SV2B: variants seen among roughly 807,000 people sequenced by gnomAD.
SV2B encodes solute carrier family 22 member B2.
In SV2B, 41 loss-of-function variants were observed where a neutral mutation model predicts 73.9. That is an observed-to-expected ratio of 0.56 (90% CI 0.43 to 0.72). The LOEUF is 0.72. Ranked by LOEUF, SV2B falls within the 30% of genes least tolerant of loss-of-function variation. SV2B has a pLI of 0.00. For synonymous variants in SV2B, 314 were observed against 314.2 expected, an observed-to-expected ratio of 1.00 and a Z score of 0.01; for missense variants, 764 against 857.8, an observed-to-expected ratio of 0.89 and a Z score of 1.37.
At position 91,226,531 on chromosome 15, in the gene SV2B, C is replaced by G. The variant is rs200378766; in HGVS notation, c.268C>G (p.Gln90Glu). ...LMAERLEDEE[Q>E]LAHQYETIMD... is the part of the protein sequence containing the mutation. ...GGCTGAGAGGCTGGAAGATGAGGAG[C>G]AGTTGGCCCACCAGTACGAGACCAT... The change falls in exon 2 of 13, where the codon CAG (glutamine) becomes GAG (glutamate). Residue 90 changes from glutamine (Q) to glutamate (E), a missense_variant. Transcript: ENST00000394232. The G allele has an allele frequency of 3.1e-6, 5 of 1,614,188 alleles. No homozygotes were observed. The Admixed American group carries it at 8.3e-5, about 27-fold the overall frequency.
intron 2 of SV2B, among the ~76,000 whole-genome samples, chr15:91,246,744 C>CCTCCTT (rs928160029): frequency 1.4e-5 from 2 of 146,786 alleles, no homozygotes; most frequent in African/African-American, 2.7e-5. Context: ...TCCTCCTCCT[C>CCTCCTT]CTCCTTCTTC....
Position 91,232,251 on chromosome 15 carries a change from C to T in SV2B, c.451+5537C>T, listed in dbSNP as rs9673021. ...CACCACTGGGAATGTCCATGTATTT[C>T]TTTCTGTGTTTGATTTATATCAGTT... On this transcript the variant is annotated intron_variant, in intron 2 of 12. Coordinates refer to ENST00000394232, the MANE Select transcript of SV2B (RefSeq NM_001323032.3). This position sits in a 1 kb window ranked among gnomAD's most constrained non-coding sequence, Gnocchi z 4.7. Among the ~76,000 whole-genome samples the T allele has an allele frequency of 0.2, 30,196 of 152,128 alleles. 6,769 individuals carry two copies. The highest frequency in any genetic ancestry group is 0.56 in the African/African-American group (23,112 of 41,476).
At chr15:91,170,654 A>C (rs753183444) in intron 1 of SV2B, among the ~76,000 whole-genome samples, 2 of 152,252 alleles carry the variant, frequency 1.3e-5, no homozygotes, top group Non-Finnish European at 2.9e-5. Flanking sequence ...CATTAAAAAT[A>C]TCTGACTGTC....
At position 91,100,986 on chromosome 15, in the gene SV2B, G is replaced by T. The variant is rs1055159371; in HGVS notation, c.-392+623G>T. Among the ~76,000 whole-genome samples the T allele has an allele frequency of 6.6e-6, 1 of 152,232 alleles. No homozygotes were observed. Among genetic ancestry groups the T allele is most frequent in the Non-Finnish European group, 1.5e-5 (1 of 68,028 alleles). On this transcript the variant is annotated intron_variant, in intron 1 of 12. Transcript: ENST00000394232. This position sits in a 1 kb window ranked among gnomAD's most constrained non-coding sequence, Gnocchi z 6.4. Reference sequence around the variant, plus strand: ...TTTAGCCAGGGAGGAGCAAGGCACCGCTGTGTCTTCGGCAGACGGGTGGTA... The same window carrying T: ...TTTAGCCAGGGAGGAGCAAGGCACCTCTGTGTCTTCGGCAGACGGGTGGTA...
chr15:91,182,286 A>G (rs1194072307), intron 1 of SV2B, among the ~76,000 whole-genome samples: 2 of 152,200 alleles, frequency 1.3e-5, no homozygotes, highest in Non-Finnish European at 2.9e-5. Flanking sequence ...AACTGTCATT[A>G]TGGTTGAACA....
intron 10 of SV2B, among the ~76,000 whole-genome samples, chr15:91,282,097 C>A (rs544884067): frequency 2.6e-5 from 4 of 152,330 alleles, no homozygotes; most frequent in African/African-American, 9.6e-5. Flanking sequence ...GAAATGGAAA[C>A]AAAAGTTGTA....
chr15:91,287,464 A>G (rs2048897898), intron 11 of SV2B, among the ~76,000 whole-genome samples: 1 of 151,982 alleles, frequency 6.6e-6, no homozygotes, highest in African/African-American at 2.4e-5. Flanking sequence ...CTAGTCTGCA[A>G]CCTGTTTTGC....
chr15:91,266,513 A>T (rs2048105315), intron 6 of SV2B, 69 bp from the exon 7 acceptor site: 1 of 1,220,372 alleles, frequency 8.2e-7, no homozygotes, highest in Non-Finnish European at 1.2e-6. Flanking sequence ...TAGTTACATT[A>T]AACTACACAT....
rs1423649670 is a variant in SV2B at position 91,130,938 on chromosome 15, T to C, written c.-392+30575T>C. 6.6e-6 allele frequency among the ~76,000 whole-genome samples: 1 copy of C among 151,850 alleles called. No individual in the cohort carries two copies. The highest frequency in any genetic ancestry group is 1.5e-5 in the Non-Finnish European group (1 of 67,966). ...GCAAAAGGAGGAGATGGTTGATGGA[T>C]CCAAGTTCAGGAACACATGGGAGGG... On this transcript the variant is annotated intron_variant, in intron 1 of 12. Transcript: ENST00000394232. This position sits in a 1 kb window ranked among gnomAD's most constrained non-coding sequence, Gnocchi z 5.6.
In SV2B at chr15:91,240,144, A is replaced by C. The variant is rs2141556583; in HGVS notation, c.452-11675A>C. Among the ~76,000 whole-genome samples the C allele has an allele frequency of 6.6e-6, 1 of 152,340 alleles. No homozygotes were observed. The highest frequency in any genetic ancestry group is 2.4e-5 in the African/African-American group (1 of 41,576). On this transcript the variant is annotated intron_variant, in intron 2 of 12. Transcript: ENST00000394232. The surrounding 1 kb of genome is among the most constrained non-coding windows in gnomAD (Gnocchi z 4.6). ...GGGCTGTTGGGAACATGACCAACAG[A>C]GTCTATTGCAGGCACAAGGTTTTTA...
At chr15:91,286,477 C>G (rs1446885567) in intron 11 of SV2B, among the ~76,000 whole-genome samples, 2 of 152,138 alleles carry the variant, frequency 1.3e-5, no homozygotes, top group Non-Finnish European at 1.5e-5. Flanking sequence ...TCTCTCAAGG[C>G]TGTGTGGGAG....
intron 1 of SV2B, among the ~76,000 whole-genome samples, chr15:91,173,497 C>A (rs747160680): frequency 2.6e-5 from 4 of 152,174 alleles, no homozygotes; most frequent in Non-Finnish European, 5.9e-5. Context: ...AAGGCTCTGT[C>A]ATAGATTGTA....
At position 91,296,847 on chromosome 15, in the gene SV2B, C is replaced by A. The variant is rs918197787; in HGVS notation, c.*4295C>A. On this transcript the variant is annotated 3_prime_UTR_variant, in exon 13 of 13. Transcript: ENST00000394232. ...TGGGCTCACGCTCCTTCTGCCCGAT[C>A]TTGGGCGCACGCTCCTTCTGCCCGA... The A allele has an allele frequency of 8.8e-5, 12 of 136,310 alleles. No homozygotes were observed. Among genetic ancestry groups the A allele is most frequent in the African/African-American group, 3.5e-4 (12 of 34,158 alleles). The allele number at this position is 136,310 out of a possible 1,614,324, so 8.4% of individuals were successfully genotyped here.
At position 91,245,841 on chromosome 15, in the gene SV2B, C is replaced by A. The variant is rs1317469995; in HGVS notation, c.452-5978C>A. On this transcript the variant is annotated intron_variant, in intron 2 of 12. Coordinates refer to ENST00000394232, the MANE Select transcript of SV2B (RefSeq NM_001323032.3). This position sits in a 1 kb window ranked among gnomAD's most constrained non-coding sequence, Gnocchi z 4.2. ...GAACCAACAAACTGTGGTCTACAAACCTATGACCAATTTTTTTTTTAACAT... is the reference window on the plus strand; with the variant it reads ...GAACCAACAAACTGTGGTCTACAAAACTATGACCAATTTTTTTTTTAACAT... Among the ~76,000 whole-genome samples the A allele has an allele frequency of 1.3e-5, 2 of 151,956 alleles. No individual in the cohort carries two copies. The highest frequency in any genetic ancestry group is 2.4e-5 in the African/African-American group (1 of 41,352).
intron 1 of SV2B, among the ~76,000 whole-genome samples, chr15:91,108,051 G>A (rs1202612127): frequency 2.0e-5 from 3 of 152,192 alleles, no homozygotes; most frequent in Non-Finnish European, 4.4e-5. Context: ...ATACCCCAGT[G>A]TTCTGCAGTC....
In SV2B at chr15:91,298,465, T is replaced by A. The variant is rs2049327680; in HGVS notation, c.*5913T>A. The A allele has an allele frequency of 6.6e-6, 1 of 152,186 alleles. No individual in the cohort carries two copies. Among genetic ancestry groups the A allele is most frequent in the South Asian group, 2.1e-4 (1 of 4,834 alleles). The allele number at this position is 152,186 out of a possible 1,614,324, so 9.4% of individuals were successfully genotyped here. On this transcript the variant is annotated 3_prime_UTR_variant, in exon 13 of 13. Coordinates refer to ENST00000394232, the MANE Select transcript of SV2B (RefSeq NM_001323032.3). The surrounding 1 kb of genome is among the most constrained non-coding windows in gnomAD (Gnocchi z 5.4). Reference sequence around the variant, plus strand: ...CATGGCTGTTGTGGCAGCAGCGAGATTTCCAAAAAGATGAATGATGAAATG... The same window carrying A: ...CATGGCTGTTGTGGCAGCAGCGAGAATTCCAAAAAGATGAATGATGAAATG...
rs2048651464 is a variant in SV2B at position 91,280,536 on chromosome 15, G to A, written c.1374-1192G>A. On this transcript the variant is annotated intron_variant, in intron 9 of 12. Transcript: ENST00000394232. The surrounding 1 kb of genome is among the most constrained non-coding windows in gnomAD (Gnocchi z 5.8). ...AGTGTTGTAATTATTTGCAAATGAA[G>A]ACATATTTAAAGGCTTCCAGCCTAA... 6.6e-6 allele frequency among the ~76,000 whole-genome samples: 1 copy of A among 152,228 alleles called. No individual in the cohort carries two copies. Among genetic ancestry groups the A allele is most frequent in the Non-Finnish European group, 1.5e-5 (1 of 68,032 alleles).
intron 2 of SV2B, 130 bp downstream of exon 2, chr15:91,226,844 T>G (rs2046400306): frequency 1.7e-6 from 2 of 1,166,210 alleles, no homozygotes; most frequent in East Asian, 5.2e-5. Flanking sequence ...AATTTTTGTC[T>G]TAGAGAAATC....
intron 1 of SV2B, among the ~76,000 whole-genome samples, chr15:91,174,664 T>C (rs1799910897): frequency 6.6e-6 from 1 of 152,208 alleles, no homozygotes; most frequent in Admixed American, 6.5e-5. Context: ...GAGGGAATTT[T>C]AATTCAAGAA....
Sources: allele counts gnomAD v4.1 joint callset (sites outside exome capture counted in the v4.1 genomes callset), GRCh38; gene constraint gnomAD v4.1.1; non-coding constraint Gnocchi (gnomAD v3.1); transcripts MANE v1.5; gene names NCBI Gene and HGNC (gene_info 2026-07-23, HGNC 2026-07-21).